The following BMP5 variants were observed in gnomAD, a reference collection of about 807,000 sequenced individuals.
BMP5 encodes bone morphogenetic protein 5.
BMP5 carries 23 observed loss-of-function variants against 46.6 expected under a neutral mutation model. That is an observed-to-expected ratio of 0.49 (90% CI 0.35 to 0.70). The LOEUF (loss-of-function observed/expected upper bound fraction) is 0.70. Ranked by LOEUF, BMP5 falls within the 30% of genes least tolerant of loss-of-function variation. BMP5 has a pLI of 0.00. For missense variants in BMP5, 545 were observed against 565.6 expected (o/e 0.96, Z 0.37); for synonymous variants, 204 against 191.9 (o/e 1.06, Z -0.52).
At chr6:55,814,796 T>C (rs969947530) in intron 2 of BMP5, among the ~76,000 whole-genome samples, 1 of 152,082 alleles carries the variant, frequency 6.6e-6, no homozygotes, top group Non-Finnish European at 1.5e-5. Flanking sequence ...ATAAAAAAAG[T>C]GTTTTGCTAG....
chr6:55,758,835 C>T (rs971352445), intron 6 of BMP5, among the ~76,000 whole-genome samples, 170 bp downstream of exon 6: 9 of 151,582 alleles, frequency 5.9e-5, no homozygotes, highest in African/African-American at 1.5e-4. Context: ...TAAACCAGCC[C>T]GAGTTTCCTG....
intron 3 of BMP5, among the ~76,000 whole-genome samples, chr6:55,788,266 TC>T: frequency 6.6e-6 from 1 of 151,822 alleles, no homozygotes; most frequent in East Asian, 1.9e-4. Flanking sequence ...AAATTAGTAA[TC>T]TCCAAAAATA....
intron 3 of BMP5, among the ~76,000 whole-genome samples, chr6:55,781,031 A>T (rs1373804850): frequency 2.0e-5 from 3 of 152,100 alleles, no homozygotes; most frequent in Non-Finnish European, 4.4e-5. Context: ...CGCTAGAAAT[A>T]TGAATCTCAC....
intron 3 of BMP5, among the ~76,000 whole-genome samples, chr6:55,788,706 A>G (rs1775506341): frequency 1.3e-5 from 2 of 151,856 alleles, no homozygotes; most frequent in African/African-American, 4.8e-5. Flanking sequence ...TATCACACTC[A>G]TTTTATTGAT....
intron 4 of BMP5, among the ~76,000 whole-genome samples, chr6:55,765,755 A>G (rs911420451): frequency 2.0e-5 from 3 of 152,200 alleles, no homozygotes; most frequent in Admixed American, 2.0e-4. Context: ...ATATATTAAC[A>G]CAATTTTGTG....
chr6:55,824,088 A>G (rs909208750), intron 1 of BMP5, among the ~76,000 whole-genome samples: 2 of 151,952 alleles, frequency 1.3e-5, no homozygotes, highest in Non-Finnish European at 2.9e-5. Flanking sequence ...CCCAAAGTAG[A>G]TGAAAAAGAA....
chr6:55,760,578 A>C, intron 4 of BMP5, 45 bp from the exon 5 acceptor site: 1 of 1,503,436 alleles, frequency 6.7e-7, no homozygotes, highest in Non-Finnish European at 9.2e-7. Context: ...GCTTACAGAT[A>C]TACTAATACT....
chr6:55,787,994 T>C (rs1466191229), intron 3 of BMP5, among the ~76,000 whole-genome samples: 1 of 151,640 alleles, frequency 6.6e-6, no homozygotes, highest in African/African-American at 2.4e-5. Context: ...TGGACCCTAC[T>C]CTTTATCAAA....
At chr6:55,811,565 T>C (rs1043922705) in intron 2 of BMP5, among the ~76,000 whole-genome samples, 1 of 152,156 alleles carries the variant, frequency 6.6e-6, no homozygotes, top group African/African-American at 2.4e-5. Context: ...TTTAATTCAT[T>C]ATACGCTTGA....
chr6:55,785,304 T>C (rs1485695419), intron 3 of BMP5, among the ~76,000 whole-genome samples: 1 of 151,804 alleles, frequency 6.6e-6, no homozygotes. Flanking sequence ...ATGGAGTATA[T>C]TTTATGAAAA....
In BMP5 at chr6:55,755,595, T is replaced by C. The variant is rs776860735; in HGVS notation, c.1303A>G (p.Ser435Gly). ...NAISVLYFDD[S>G]SNVILKKYRN... ...TATTTTTTCAAAATGACATTGGAGC[T>C]GTCATCAAAGTACAGAACAGAGATG... is the stretch of plus-strand genomic sequence containing the variant. The change falls in exon 7 of 7, where the codon AGC becomes GGC. Residue 435 changes from serine (S) to glycine (G), a missense_variant. By Grantham distance (56) the Ser-to-Gly change is moderately conservative (BLOSUM62 0). Transcript: ENST00000370830. The C allele has an allele frequency of 6.2e-7, 1 of 1,612,344 alleles. No individual in the cohort carries two copies. Among genetic ancestry groups the C allele is most frequent in the Non-Finnish European group, 8.5e-7 (1 of 1,178,832 alleles).
intron 1 of BMP5, among the ~76,000 whole-genome samples, chr6:55,841,774 C>A (rs992691603): frequency 6.6e-6 from 1 of 152,090 alleles, no homozygotes; most frequent in African/African-American, 2.4e-5. Context: ...TTATGTTTCA[C>A]CCTAAAGGCT....
At position 55,869,949 on chromosome 6, in the gene BMP5, C is replaced by G. The variant is rs79385652; in HGVS notation, c.490+4427G>C. Among the ~76,000 whole-genome samples, 722 of 152,064 alleles carry G rather than the reference C, an allele frequency of 4.7e-3. 9 individuals carry two copies. The highest frequency in any genetic ancestry group is 0.017 in the African/African-American group (693 of 41,474). ...AGCAAACCAGGACGAAAGGCAGACC[C>G]CAGGAAGTGTGGGAGTGGTAAGGAG... On this transcript the variant is annotated intron_variant, in intron 1 of 6. Coordinates refer to ENST00000370830, the MANE Select transcript of BMP5 (RefSeq NM_021073.4).
chr6:55,754,492 CATTCT>C lies in BMP5; in HGVS notation c.*1036_*1040del, dbSNP rs1774529936. 6.6e-6 allele frequency: 1 copy of C among 151,904 alleles called. No individual in the cohort carries two copies. Among genetic ancestry groups the C allele is most frequent in the Non-Finnish European group, 1.5e-5 (1 of 67,914 alleles). The allele number at this position is 151,904 out of a possible 1,614,324, so 9.4% of individuals were successfully genotyped here. A position where few individuals can be genotyped will look rare whatever the true frequency, so the allele number is the denominator to read the frequency against. On this transcript the variant is annotated 3_prime_UTR_variant, in exon 7 of 7. Coordinates refer to ENST00000370830, the MANE Select transcript of BMP5 (RefSeq NM_021073.4). ...TTAGAAATGGCAATTCTGTCAAAGCCATTCTGGGACTTTTGGTAATTTCCTCCAGT... is the reference window on the plus strand; with the variant it reads ...TTAGAAATGGCAATTCTGTCAAAGCCGGGACTTTTGGTAATTTCCTCCAGT...
chr6:55,845,499 T>A (rs1045138547), intron 1 of BMP5, among the ~76,000 whole-genome samples: 24 of 152,056 alleles, frequency 1.6e-4, no homozygotes, highest in African/African-American at 5.8e-4. Context: ...CCCTTACTGT[T>A]AAGGTGAGTG....
At position 55,840,707 on chromosome 6, in the gene BMP5, A is replaced by G. The variant is rs143850854; in HGVS notation, c.491-20860T>C. Among the ~76,000 whole-genome samples the G allele has an allele frequency of 1.2e-4, 19 of 152,226 alleles. No individual in the cohort carries two copies. In the East Asian group the frequency reaches 3.7e-3, roughly 29 times the overall value. ...TTATTGCTTTGTCATCTGATTTCCAATGTTTCAAATGAGAAATGAGCCATC... is the reference window on the plus strand; with the variant it reads ...TTATTGCTTTGTCATCTGATTTCCAGTGTTTCAAATGAGAAATGAGCCATC... On this transcript the variant is annotated intron_variant, in intron 1 of 6. Coordinates refer to ENST00000370830, the MANE Select transcript of BMP5 (RefSeq NM_021073.4).
chr6:55,806,373 G>A (rs1477179536), intron 2 of BMP5, among the ~76,000 whole-genome samples: 1 of 152,128 alleles, frequency 6.6e-6, no homozygotes, highest in Non-Finnish European at 1.5e-5. Flanking sequence ...ACAATCAGAT[G>A]GTTGTAGATG....
At chr6:55,797,308 A>T (rs933341217) in intron 2 of BMP5, among the ~76,000 whole-genome samples, 4 of 152,258 alleles carry the variant, frequency 2.6e-5, no homozygotes, top group African/African-American at 7.2e-5. Context: ...CATGAACAGT[A>T]TAAAATAAAC....
intron 2 of BMP5, among the ~76,000 whole-genome samples, chr6:55,805,273 G>A (rs1422437468): frequency 2.0e-5 from 3 of 152,122 alleles, no homozygotes; most frequent in Non-Finnish European, 4.4e-5. Context: ...CGGGATACTA[G>A]TGCATAACCT....
Sources: gnomAD v4.1 joint callset for allele counts (sites outside exome capture counted in the v4.1 genomes callset) on GRCh38, gnomAD v4.1.1 for gene constraint, MANE v1.5 for transcripts, NCBI Gene and HGNC (gene_info 2026-07-23, HGNC 2026-07-21) for gene names.